The following DNAAF11 variants were observed in gnomAD, a reference collection of about 807,000 sequenced individuals.
DNAAF11 encodes leucine rich repeat containing 6.
DNAAF11 carries 45 observed loss-of-function variants against 60.8 expected under a neutral mutation model. The ratio of observed to expected loss-of-function variants is 0.74; its 90% CI spans 0.58 to 0.95. The LOEUF is 0.95. DNAAF11 is among the 40% of genes least tolerant of loss of function. The probability of loss-of-function intolerance (pLI) is 0.00; values close to 1 mark genes in which losing one functional copy is unlikely to be tolerated. For missense variants in DNAAF11, 546 were observed against 546.2 expected, an observed-to-expected ratio of 1.00 and a Z score of 0.00; for synonymous variants, 191 against 183.5, an observed-to-expected ratio of 1.04 and a Z score of -0.33.
intron 4 of DNAAF11, among the ~76,000 whole-genome samples, chr8:132,633,784 T>G (rs557390757): frequency 6.6e-6 from 1 of 152,180 alleles, no homozygotes; most frequent in African/African-American, 2.4e-5. Context: ...AGAGGTAAAG[T>G]TGGCACACTG....
rs1321729637 is a variant in DNAAF11 at position 132,637,906 on chromosome 8, T to C, written c.429+29A>G. On this transcript the variant is annotated intron_variant, in intron 4 of 11. Transcript: ENST00000620350. ...GTAGTTGCTCATGCTCATTTATCTG[T>C]GATTTCTGCACCATTAAAAGAACCA... The C allele has an allele frequency of 5.1e-6, 8 of 1,566,000 alleles. No homozygotes were observed. The Admixed American group carries it at 9.4e-5, about 18-fold the overall frequency.
rs1008413779 is a variant in DNAAF11 at position 132,581,171 on chromosome 8, C to T, written c.1226+2523G>A. Among the ~76,000 whole-genome samples, 4 of 152,170 alleles carry T rather than the reference C, an allele frequency of 2.6e-5. No individual in the cohort carries two copies. In the East Asian group the frequency reaches 5.8e-4, roughly 22 times the overall value. On this transcript the variant is annotated intron_variant, in intron 11 of 11. Coordinates refer to ENST00000620350, the MANE Select transcript of DNAAF11 (RefSeq NM_012472.6). Reference sequence around the variant, plus strand: ...GGATTAGACGTTTCCTCAAATTATACCTAAATGTGAAAAGCAAAAGTATAA... The same window carrying T: ...GGATTAGACGTTTCCTCAAATTATATCTAAATGTGAAAAGCAAAAGTATAA...
chr8:132,576,249 T>C (rs1034503149), intron 11 of DNAAF11, among the ~76,000 whole-genome samples: 1 of 152,188 alleles, frequency 6.6e-6, no homozygotes, highest in African/African-American at 2.4e-5. Flanking sequence ...AACAAGATAA[T>C]TTACCTTCTC....
At chr8:132,626,125 C>T (rs923687837) in intron 5 of DNAAF11, among the ~76,000 whole-genome samples, 10 of 151,890 alleles carry the variant, frequency 6.6e-5, no homozygotes, top group Admixed American at 5.9e-4. Flanking sequence ...GGTCTCTGCT[C>T]ACCGCAAGCT....
the DNAAF11 span, among the ~76,000 whole-genome samples, chr8:132,686,666 A>G: frequency 6.6e-6 from 1 of 152,192 alleles, no homozygotes; most frequent in African/African-American, 2.4e-5. Flanking sequence ...AGCAGTGGTG[A>G]TAGAGGGAAG....
rs1821400087 is a variant in DNAAF11 at position 132,637,275 on chromosome 8, T to G, written c.429+660A>C. On this transcript the variant is annotated intron_variant, in intron 4 of 11. Transcript: ENST00000620350. Reference sequence around the variant, plus strand: ...TGGGGGAGGAGCACAGCAGTCTGTGTTTTGAAAAGGCCTCCACGTGCTCTG... The same window carrying G: ...TGGGGGAGGAGCACAGCAGTCTGTGGTTTGAAAAGGCCTCCACGTGCTCTG... Among the ~76,000 whole-genome samples the G allele has an allele frequency of 2.0e-5, 3 of 152,104 alleles. No individual in the cohort carries two copies. The South Asian group carries it at 6.2e-4, about 32-fold the overall frequency.
At chr8:132,687,557 G>A in the DNAAF11 span, 1 of 455,388 alleles carries the variant, frequency 2.2e-6, no homozygotes, top group Non-Finnish European at 4.4e-6. Flanking sequence ...TCATCAGAAG[G>A]CGGACCCACA....
At chr8:132,673,486 T>G (rs1411018110) in intron 1 of DNAAF11, among the ~76,000 whole-genome samples, 2 of 152,154 alleles carry the variant, frequency 1.3e-5, no homozygotes, top group Non-Finnish European at 2.9e-5. Flanking sequence ...AACCTTTTGG[T>G]TTCTCTGTGG....
At chr8:132,612,975 A>G (rs1468388605) in intron 8 of DNAAF11, among the ~76,000 whole-genome samples, 2 of 152,234 alleles carry the variant, frequency 1.3e-5, no homozygotes, top group East Asian at 3.8e-4. Context: ...AGAAAGGGTT[A>G]TACATTCATT....
At chr8:132,699,536 G>A in the DNAAF11 span, among the ~76,000 whole-genome samples, 2 of 152,070 alleles carry the variant, frequency 1.3e-5, no homozygotes, top group African/African-American at 4.8e-5. Context: ...AAGAGGGAAG[G>A]CCAGGTAGAA....
intron 10 of DNAAF11, among the ~76,000 whole-genome samples, chr8:132,591,518 G>A (rs190896927): frequency 5.1e-4 from 77 of 151,698 alleles, no homozygotes; most frequent in East Asian, 3.3e-3. Flanking sequence ...TGTAACTGTC[G>A]TTTCCCACCT....
At chr8:132,654,017 G>A (rs1586704440) in intron 3 of DNAAF11, among the ~76,000 whole-genome samples, 1 of 152,104 alleles carries the variant, frequency 6.6e-6, no homozygotes, top group East Asian at 1.9e-4. Flanking sequence ...GCCTTTTAAA[G>A]AGAAGCATTT....
At chr8:132,586,090 G>A (rs1216991167) in intron 10 of DNAAF11, among the ~76,000 whole-genome samples, 1 of 152,114 alleles carries the variant, frequency 6.6e-6, no homozygotes, top group Non-Finnish European at 1.5e-5. Context: ...ATTTTTTAAT[G>A]TTTTATGGAG....
intron 3 of DNAAF11, among the ~76,000 whole-genome samples, chr8:132,640,741 A>T (rs1821770797): frequency 1.3e-5 from 2 of 152,128 alleles, no homozygotes; most frequent in Admixed American, 1.3e-4. Flanking sequence ...CACCTTTTGC[A>T]ACAAAATACA....
chr8:132,628,354 G>T (rs972267601), intron 5 of DNAAF11, among the ~76,000 whole-genome samples: 2 of 152,076 alleles, frequency 1.3e-5, no homozygotes, highest in African/African-American at 4.8e-5. Flanking sequence ...AGAGATTGCG[G>T]TGAGCCGAGA....
In DNAAF11 at chr8:132,674,646, T is replaced by C. The variant is rs555121717; in HGVS notation, c.10+838A>G. On this transcript the variant is annotated intron_variant, in intron 1 of 11. Transcript: ENST00000620350. ...GCTCACGCCTGTAATCGCAGCACTT[T>C]GAGAGGCCGAGGCGGGCGGATCACC... Among the ~76,000 whole-genome samples, 511 of 152,336 alleles carry C rather than the reference T, an allele frequency of 3.4e-3. 2 individuals carry two copies. The highest frequency in any genetic ancestry group is 0.011 in the African/African-American group (476 of 41,594).
intron 3 of DNAAF11, among the ~76,000 whole-genome samples, chr8:132,642,633 T>C (rs1379470098): frequency 1.3e-5 from 2 of 152,130 alleles, no homozygotes; most frequent in African/African-American, 2.4e-5. Flanking sequence ...GTAAAGGCAG[T>C]GAGAGAGAAC....
the DNAAF11 span, among the ~76,000 whole-genome samples, chr8:132,697,442 A>AC: frequency 6.6e-6 from 1 of 152,018 alleles, no homozygotes; most frequent in Non-Finnish European, 1.5e-5. Flanking sequence ...AGATGGCAAA[A>AC]CCCCATCTCT....
In DNAAF11 at chr8:132,572,382, C is replaced by G. The variant is rs758116681; in HGVS notation, c.1325G>C (p.Arg442Pro). Residue 442 changes from arginine (R) to proline (P), a missense_variant, in exon 12 of 12, where the codon CGA becomes CCA. Physicochemically the swap from Arg to Pro is moderately radical, Grantham distance 103. Coordinates refer to ENST00000620350, the MANE Select transcript of DNAAF11 (RefSeq NM_012472.6). ...VQEKKHTPRR[R>P]PEPKIIPSEE... is the part of the protein sequence containing the mutation. ...ACTTGGTATAATTTTGGGTTCAGGT[C>G]GTCTTCTGGGTGTGTGTTTTTTCTC... is the stretch of plus-strand genomic sequence containing the variant. The G allele has an allele frequency of 6.2e-7, 1 of 1,613,954 alleles. No homozygotes were observed. The highest frequency in any genetic ancestry group is 1.3e-5 in the African/African-American group (1 of 75,000).
Sources: gnomAD v4.1 joint callset for allele counts (sites outside exome capture counted in the v4.1 genomes callset) on GRCh38, gnomAD v4.1.1 for gene constraint, MANE v1.5 for transcripts, NCBI Gene and HGNC (gene_info 2026-07-23, HGNC 2026-07-21) for gene names.